The following CADM2 variants were observed in gnomAD, a reference collection of about 807,000 sequenced individuals.
CADM2 encodes cell adhesion molecule 2, also known as immunoglobulin superfamily member 4D.
CADM2 carries 12 observed loss-of-function variants against 49.8 expected under a neutral mutation model. The observed-to-expected ratio is 0.24, with a 90% confidence interval of 0.15 to 0.39. The LOEUF (loss-of-function observed/expected upper bound fraction) is 0.39, where lower values mean the gene tolerates loss of function less well. Ranked by LOEUF, CADM2 falls within the 10% of genes least tolerant of loss-of-function variation. CADM2 has a pLI of 1.00. For missense variants in CADM2, 378 were observed against 492.3 expected, an observed-to-expected ratio of 0.77 and a Z score of 2.20; for synonymous variants, 214 against 175.4, an observed-to-expected ratio of 1.22 and a Z score of -1.74.
At chr3:85,125,277 G>A (rs2038993315) in intron 1 of CADM2, among the ~76,000 whole-genome samples, 1 of 152,136 alleles carries the variant, frequency 6.6e-6, no homozygotes, top group Admixed American at 6.5e-5. Flanking sequence ...TAATATATGA[G>A]ATGGCATATT....
chr3:85,648,737 G>A (rs982101598), intron 1 of CADM2, among the ~76,000 whole-genome samples: 1 of 151,914 alleles, frequency 6.6e-6, no homozygotes, highest in Non-Finnish European at 1.5e-5. Context: ...TCACCTGGAT[G>A]GCTTAGTTTT....
At chr3:85,919,097 A>G (rs1718763039) in intron 6 of CADM2, among the ~76,000 whole-genome samples, 1 of 152,082 alleles carries the variant, frequency 6.6e-6, no homozygotes, top group Admixed American at 6.6e-5. Context: ...AAGCATTTTA[A>G]TACTGTAACT....
At chr3:85,402,506 T>A (rs1355858199) in intron 1 of CADM2, among the ~76,000 whole-genome samples, 1 of 152,114 alleles carries the variant, frequency 6.6e-6, no homozygotes, top group Non-Finnish European at 1.5e-5. Context: ...CATATTTTAT[T>A]TTGTGTAGGT....
At chr3:85,668,294 G>GC (rs2065632527) in intron 1 of CADM2, among the ~76,000 whole-genome samples, 3 of 17,504 alleles carry the variant, frequency 1.7e-4, no homozygotes, top group African/African-American at 1.3e-3. Flanking sequence ...TAGTACCAAA[G>GC]CAAAAAAAAA....
chr3:85,889,061 A>G (rs972082218), intron 5 of CADM2, among the ~76,000 whole-genome samples: 1 of 152,176 alleles, frequency 6.6e-6, no homozygotes, highest in Admixed American at 6.5e-5. Flanking sequence ...ATTTCACAGT[A>G]TTCTATGGTG....
At chr3:85,411,548 A>G (rs2035657169) in intron 1 of CADM2, among the ~76,000 whole-genome samples, 1 of 152,178 alleles carries the variant, frequency 6.6e-6, no homozygotes, top group South Asian at 2.1e-4. Context: ...AATATCTTTG[A>G]TAAAAATGTC....
At chr3:85,107,998 G>A (rs1271469501) in intron 1 of CADM2, among the ~76,000 whole-genome samples, 6 of 151,894 alleles carry the variant, frequency 4.0e-5, no homozygotes, top group Non-Finnish European at 8.8e-5. Context: ...CTGTTATCAT[G>A]GTAGGCAGTA....
chr3:85,750,838 A>C (rs1028364299), intron 2 of CADM2, among the ~76,000 whole-genome samples: 2 of 152,082 alleles, frequency 1.3e-5, no homozygotes, highest in African/African-American at 4.8e-5. Context: ...ATGTAATTTC[A>C]TATGTGACAC....
At chr3:85,058,314 T>C (rs1027277354) in intron 1 of CADM2, among the ~76,000 whole-genome samples, 1 of 152,206 alleles carries the variant, frequency 6.6e-6, no homozygotes, top group Non-Finnish European at 1.5e-5. Context: ...AGGTTATGTA[T>C]ACATATATGC....
rs897716215 is a variant in CADM2 at position 86,070,985 on chromosome 3, C to G, written c.*4202C>G. 18 of 151,924 alleles carry G rather than the reference C, an allele frequency of 1.2e-4. No individual in the cohort carries two copies. Among genetic ancestry groups the G allele is most frequent in the Admixed American group, 3.3e-4 (5 of 15,242 alleles). 9.4% of individuals were successfully genotyped at this position (151,924 alleles called of 1,614,324 possible). A position where few individuals can be genotyped will look rare whatever the true frequency, so the allele number is the denominator to read the frequency against. On this transcript the variant is annotated 3_prime_UTR_variant, in exon 10 of 10. Coordinates refer to ENST00000383699, the MANE Select transcript of CADM2 (RefSeq NM_001167675.2). ...TTTTAAAGAATTCTTCAGCAAGATC[C>G]AAGAGGTTGCTAATCTTCACCTCTC...
chr3:85,640,078 C>A (rs368045961), intron 1 of CADM2, among the ~76,000 whole-genome samples: 1 of 152,184 alleles, frequency 6.6e-6, no homozygotes, highest in Admixed American at 6.5e-5. Context: ...TTTGAGAGGA[C>A]CTTGTTCCTC....
intron 2 of CADM2, among the ~76,000 whole-genome samples, chr3:85,728,356 T>A (rs1474320158): frequency 6.6e-6 from 1 of 152,154 alleles, no homozygotes; most frequent in Non-Finnish European, 1.5e-5. Flanking sequence ...TCCGCATGCT[T>A]ATATTTTTGC....
intron 1 of CADM2, among the ~76,000 whole-genome samples, chr3:85,043,884 C>A (rs559325051): frequency 1.3e-5 from 2 of 152,026 alleles, no homozygotes; most frequent in East Asian, 3.9e-4. Context: ...TGAATGCTAC[C>A]AAACTTCTAA....
intron 1 of CADM2, among the ~76,000 whole-genome samples, chr3:85,503,293 GA>G (rs2040192892): frequency 6.6e-6 from 1 of 152,060 alleles, no homozygotes; most frequent in Non-Finnish European, 1.5e-5. Flanking sequence ...GCTTCTGTTG[GA>G]AAATATGCTC....
At chr3:84,987,999 G>A (rs2032675738) in intron 1 of CADM2, among the ~76,000 whole-genome samples, 1 of 152,112 alleles carries the variant, frequency 6.6e-6, no homozygotes, top group African/African-American at 2.4e-5. Context: ...CCTAGGGAAG[G>A]TCCCGATTTG....
At chr3:85,938,083 G>A (rs981716845) in intron 7 of CADM2, among the ~76,000 whole-genome samples, 5 of 151,848 alleles carry the variant, frequency 3.3e-5, no homozygotes, top group Non-Finnish European at 5.9e-5. Flanking sequence ...TCTTCATTTG[G>A]ACTATTGCTT....
chr3:85,703,851 A>AC (rs1273162268), intron 1 of CADM2, among the ~76,000 whole-genome samples: 2 of 152,160 alleles, frequency 1.3e-5, no homozygotes, highest in African/African-American at 2.4e-5. Context: ...CTCATGTCTC[A>AC]CCCCCATACC....
At chr3:85,520,933 T>C (rs1292489268) in intron 1 of CADM2, among the ~76,000 whole-genome samples, 1 of 152,042 alleles carries the variant, frequency 6.6e-6, no homozygotes, top group African/African-American at 2.4e-5. Flanking sequence ...AGCTTGAGTA[T>C]GGCCAGTTTC....
intron 1 of CADM2, among the ~76,000 whole-genome samples, chr3:85,156,935 A>C (rs1317651290): frequency 6.6e-6 from 1 of 152,100 alleles, no homozygotes; most frequent in Non-Finnish European, 1.5e-5. Context: ...TATATCTAGA[A>C]AACCCCATTG....
Sources: allele counts gnomAD v4.1 joint callset (sites outside exome capture counted in the v4.1 genomes callset), GRCh38; gene constraint gnomAD v4.1.1; transcripts MANE v1.5; gene names NCBI Gene and HGNC (gene_info 2026-07-23, HGNC 2026-07-21).